BYSL: variants seen among roughly 807,000 people sequenced by gnomAD.
BYSL encodes the protein bystin.
Under a neutral mutation model 45.4 loss-of-function variants are expected in BYSL, and 21 were observed. The ratio of observed to expected loss-of-function variants is 0.46; its 90% confidence interval spans 0.33 to 0.67. The LOEUF (loss-of-function observed/expected upper bound fraction) is 0.67. Ranked by LOEUF, BYSL falls within the 30% of genes least tolerant of loss-of-function variation. BYSL has a pLI of 0.02. For missense variants in BYSL, 522 were observed against 578.5 expected (o/e 0.90, Z 1.00); for synonymous variants, 215 against 231.3 (o/e 0.93, Z 0.64).
intron 6 of BYSL, 89 bp downstream of exon 6, chr6:41,931,919 G>A: frequency 7.8e-7 from 1 of 1,284,210 alleles, no homozygotes; most frequent in Non-Finnish European, 1.1e-6. Context: ...AGTGGAGAAG[G>A]AGCTAAGGAA....
the BYSL span, among the ~76,000 whole-genome samples, chr6:41,915,039 C>G: frequency 1.3e-5 from 2 of 152,230 alleles, no homozygotes; most frequent in Non-Finnish European, 2.9e-5. Flanking sequence ...GCCAGGAAAT[C>G]TGGAACTCTA....
intron 2 of BYSL, among the ~76,000 whole-genome samples, chr6:41,928,787 A>T (rs1775597331): frequency 6.6e-6 from 1 of 152,194 alleles, no homozygotes; most frequent in East Asian, 1.9e-4. Context: ...GACAGCTGTG[A>T]GGCCTTGGGT....
chr6:41,915,730 T>C, the BYSL span, among the ~76,000 whole-genome samples: 1 of 150,288 alleles, frequency 6.7e-6, no homozygotes, highest in Admixed American at 6.6e-5. Context: ...GAGCTTGCAG[T>C]GAGCCGAGAT....
At chr6:41,917,579 A>G, upstream of BYSL, 1 of 346,020 alleles carries the variant, frequency 2.9e-6, no homozygotes, top group Non-Finnish European at 5.8e-6. Flanking sequence ...AGCCCCTCTA[A>G]GAACTGGAGC....
At chr6:41,916,657 C>T, upstream of BYSL, 15 of 1,183,600 alleles carry the variant, frequency 1.3e-5, no homozygotes, top group Admixed American at 2.2e-5. Flanking sequence ...TTAATGACGT[C>T]AAAAACACAT....
chr6:41,920,935 A>G, upstream of BYSL: 2 of 1,562,906 alleles, frequency 1.3e-6, no homozygotes. Flanking sequence ...ACGGCGGACC[A>G]TGGTCAAGGT....
chr6:41,930,367 A>G, intron 3 of BYSL, 97 bp downstream of exon 3: 1 of 1,463,474 alleles, frequency 6.8e-7, no homozygotes, highest in Non-Finnish European at 9.1e-7. Flanking sequence ...CACATACTAA[A>G]GAAGTCATGG....
At chr6:41,909,096 C>T in the BYSL span, 1 of 784,988 alleles carries the variant, frequency 1.3e-6, no homozygotes, top group Non-Finnish European at 2.0e-6. Flanking sequence ...ATCACTTGAG[C>T]CCTGGAGGTC....
chr6:41,930,616 T>A lies in BYSL; in HGVS notation c.571-19T>A. On this transcript the variant is annotated intron_variant, in intron 3 of 6. Coordinates refer to ENST00000230340, the MANE Select transcript of BYSL (RefSeq NM_004053.4). ...CCATATGTGGATGACGATGATTGTT[T>A]TACCTCCCTCATCCCTAGGTATTAT... The A allele has an allele frequency of 6.3e-7, 1 of 1,595,112 alleles. No homozygotes were observed. Among genetic ancestry groups the A allele is most frequent in the African/African-American group, 1.3e-5 (1 of 74,190 alleles).
intron 1 of BYSL, among the ~76,000 whole-genome samples, chr6:41,926,899 T>C (rs1444034002): frequency 1.3e-5 from 2 of 150,988 alleles, no homozygotes. Flanking sequence ...ATCGAGACCA[T>C]TCTGGTCAAC....
upstream of BYSL, chr6:41,916,711 A>AG (rs2127380092): frequency 1.9e-6 from 3 of 1,560,724 alleles, no homozygotes; most frequent in East Asian, 6.8e-5. Flanking sequence ...GAAAAGCAGA[A>AG]AGACTTCAAT....
upstream of BYSL, among the ~76,000 whole-genome samples, chr6:41,919,965 T>C (rs1308119117): frequency 6.6e-6 from 1 of 152,196 alleles, no homozygotes; most frequent in Admixed American, 6.5e-5. Flanking sequence ...CATGCTTTTG[T>C]ATGAGAAGCC....
the BYSL span, among the ~76,000 whole-genome samples, chr6:41,914,164 C>T: frequency 6.6e-6 from 1 of 152,158 alleles, no homozygotes; most frequent in Non-Finnish European, 1.5e-5. Flanking sequence ...CTACTACCAT[C>T]CCTAGGGCTA....
At position 41,932,398 on chromosome 6, in the gene BYSL, G is replaced by C; in HGVS notation, c.1006G>C (p.Gly336Arg). Residue 336 changes from glycine (G) to arginine (R), a missense_variant, in exon 7 of 7, where the codon GGT becomes CGT. Gly to Arg is a moderately radical substitution (Grantham distance 125). Transcript: ENST00000230340. This position sits in a 1 kb window ranked among gnomAD's most constrained non-coding sequence, Gnocchi z 4.7. ...GAAAATTGCTGAGATGGAATACAGC[G>C]GTGCCAACAGCATCTTCCTGCGACT... ...MLKIAEMEYS[G>R]ANSIFLRLLL... is the part of the protein sequence containing the mutation. 1 of 1,613,342 alleles carries C rather than the reference G, an allele frequency of 6.2e-7. No homozygotes were observed. The highest frequency in any genetic ancestry group is 8.5e-7 in the Non-Finnish European group (1 of 1,179,994).
chr6:41,929,194 G>C (rs1358336136), intron 2 of BYSL, among the ~76,000 whole-genome samples: 1 of 152,092 alleles, frequency 6.6e-6, no homozygotes, highest in Non-Finnish European at 1.5e-5. Flanking sequence ...GAGCCACTGC[G>C]CCCAACTGAG....
chr6:41,918,480 GACA>G (rs1381359986), upstream of BYSL, among the ~76,000 whole-genome samples: 2 of 147,546 alleles, frequency 1.4e-5, no homozygotes, highest in Non-Finnish European at 3.0e-5. Flanking sequence ...CTCCAGCCTG[GACA>G]ACAAGAGCGA....
At chr6:41,909,588 A>G in the BYSL span, 2 of 1,580,770 alleles carry the variant, frequency 1.3e-6, no homozygotes, top group Non-Finnish European at 1.7e-6. Context: ...GTAGAGTCAA[A>G]TGACTCCCCC....
chr6:41,931,957 A>T lies in BYSL; in HGVS notation c.968+127A>T, dbSNP rs1775647329. 9.1e-6 allele frequency: 8 copies of T among 875,968 alleles called. No homozygotes were observed. In the South Asian group the frequency reaches 1.2e-4, roughly 13 times the overall value. 54.3% of individuals were successfully genotyped at this position (875,968 alleles called of 1,614,324 possible). A position where few individuals can be genotyped will look rare whatever the true frequency, so the allele number is the denominator to read the frequency against. The stretch of plus-strand genomic sequence containing the variant: ...CCTTGGGTTTGTGCTTGTTTAAGCC[A>T]ATGAGTAGGTGTATCATTATCCCCC... On this transcript the variant is annotated intron_variant, in intron 6 of 6. Transcript: ENST00000230340.
chr6:41,923,777 C>T (rs1775525451), intron 1 of BYSL, among the ~76,000 whole-genome samples: 1 of 152,112 alleles, frequency 6.6e-6, no homozygotes, highest in Non-Finnish European at 1.5e-5. Flanking sequence ...TGGGGGATTA[C>T]AATGGTCTAC....
Sources: allele counts gnomAD v4.1 joint callset (sites outside exome capture counted in the v4.1 genomes callset), GRCh38; gene constraint gnomAD v4.1.1; non-coding constraint Gnocchi (gnomAD v3.1); transcripts MANE v1.5; gene names NCBI Gene and HGNC (gene_info 2026-07-23, HGNC 2026-07-21).